The following RAB38 variants were observed in gnomAD, a reference collection of about 807,000 sequenced individuals.
The protein encoded by RAB38 is RAB38, member RAS oncogene family, also known as ras-related protein Rab-38.
In RAB38, 15 loss-of-function variants were observed where a neutral mutation model predicts 18.4. The ratio of observed to expected loss-of-function variants is 0.82; its 90% CI spans 0.55 to 1.26. The LOEUF is 1.26. RAB38 is among the 50% of genes most tolerant of loss of function. RAB38 has a pLI of 0.00. For missense variants in RAB38, 294 were observed against 267.4 expected, an observed-to-expected ratio of 1.10 and a Z score of -0.69; for synonymous variants, 101 against 104.4, an observed-to-expected ratio of 0.97 and a Z score of 0.20.
At chr11:87,930,943 T>C in the RAB38 span, among the ~76,000 whole-genome samples, 13 of 152,158 alleles carry the variant, frequency 8.5e-5, no homozygotes, top group Non-Finnish European at 1.5e-5. Flanking sequence ...TTGGTACCAG[T>C]ACCATGCTGT....
the RAB38 span, among the ~76,000 whole-genome samples, chr11:88,048,290 G>A: frequency 6.6e-6 from 1 of 152,146 alleles, no homozygotes; most frequent in Non-Finnish European, 1.5e-5. Flanking sequence ...CCTTCTGTCT[G>A]ACATAATTCC....
chr11:88,018,129 C>G, the RAB38 span, among the ~76,000 whole-genome samples: 1 of 152,076 alleles, frequency 6.6e-6, no homozygotes, highest in African/African-American at 2.4e-5. Context: ...ATATCTTTAC[C>G]AGCAGCGTAA....
chr11:88,096,962 T>C, the RAB38 span, among the ~76,000 whole-genome samples: 1 of 151,988 alleles, frequency 6.6e-6, no homozygotes, highest in African/African-American at 2.4e-5. Flanking sequence ...AACACATTTC[T>C]TTATCCATTC....
chr11:88,153,706 C>G (rs1184610296), intron 1 of RAB38, among the ~76,000 whole-genome samples: 1 of 152,234 alleles, frequency 6.6e-6, no homozygotes, highest in East Asian at 1.9e-4. Context: ...TTGGGTTGCA[C>G]TTCTCAGAGA....
At chr11:87,863,895 C>T in the RAB38 span, among the ~76,000 whole-genome samples, 2 of 151,636 alleles carry the variant, frequency 1.3e-5, no homozygotes, top group Admixed American at 6.6e-5. Context: ...AGTGCTTTTT[C>T]CTATAAATGA....
the RAB38 span, among the ~76,000 whole-genome samples, chr11:87,940,808 T>C: frequency 6.6e-6 from 1 of 151,958 alleles, no homozygotes; most frequent in Admixed American, 6.6e-5. Flanking sequence ...AATTTTTGTA[T>C]TTTTAGTAGA....
the RAB38 span, among the ~76,000 whole-genome samples, chr11:87,890,338 C>CTGTT: frequency 6.6e-6 from 1 of 151,844 alleles, no homozygotes; most frequent in Non-Finnish European, 1.5e-5. Flanking sequence ...CTTTCAACCT[C>CTGTT]TGTTTCCTTC....
At chr11:87,838,099 CT>C in the RAB38 span, among the ~76,000 whole-genome samples, 1 of 151,236 alleles carries the variant, frequency 6.6e-6, no homozygotes, top group Non-Finnish European at 1.5e-5. Context: ...GGCTTACATT[CT>C]TTTTTTATTT....
chr11:87,945,942 C>T, the RAB38 span, among the ~76,000 whole-genome samples: 4 of 152,256 alleles, frequency 2.6e-5, no homozygotes, highest in Admixed American at 2.0e-4. Context: ...CTAATTTTCA[C>T]AATTACCCTT....
chr11:88,010,476 A>C, the RAB38 span, among the ~76,000 whole-genome samples: 9 of 152,126 alleles, frequency 5.9e-5, no homozygotes, highest in African/African-American at 2.2e-4. Context: ...AAAACATATA[A>C]AATCAATATT....
At chr11:87,885,736 G>A in the RAB38 span, among the ~76,000 whole-genome samples, 1 of 151,976 alleles carries the variant, frequency 6.6e-6, no homozygotes, top group African/African-American at 2.4e-5. Flanking sequence ...TCTTAAAGCA[G>A]TGTTACCTAA....
At chr11:88,118,348 A>G (rs1349093496) in intron 2 of RAB38, among the ~76,000 whole-genome samples, 1 of 152,252 alleles carries the variant, frequency 6.6e-6, no homozygotes, top group Non-Finnish European at 1.5e-5. Flanking sequence ...ATAGCAATAT[A>G]GAACAAACCT....
chr11:87,900,872 A>T, the RAB38 span, among the ~76,000 whole-genome samples: 1 of 151,584 alleles, frequency 6.6e-6, no homozygotes, highest in African/African-American at 2.4e-5. Flanking sequence ...GTGGAAAAAA[A>T]GGCACCTAGT....
the RAB38 span, among the ~76,000 whole-genome samples, chr11:87,840,135 CAT>C: frequency 6.6e-6 from 1 of 151,850 alleles, no homozygotes; most frequent in Non-Finnish European, 1.5e-5. Context: ...AGAAAGGAGA[CAT>C]AGAAAAAGAA....
the RAB38 span, among the ~76,000 whole-genome samples, chr11:88,099,058 G>A: frequency 1.3e-5 from 2 of 151,870 alleles, no homozygotes; most frequent in Admixed American, 1.3e-4. Flanking sequence ...AAATAAAAAT[G>A]TGTTCTTATA....
chr11:88,012,492 T>C, the RAB38 span, among the ~76,000 whole-genome samples: 13 of 152,222 alleles, frequency 8.5e-5, no homozygotes, highest in South Asian at 4.2e-4. Context: ...TATTAAAAAA[T>C]AGTTTTAAGC....
chr11:87,831,014 C>T, the RAB38 span, among the ~76,000 whole-genome samples: 6 of 152,034 alleles, frequency 3.9e-5, no homozygotes, highest in Non-Finnish European at 7.4e-5. Flanking sequence ...GCCATGTTAC[C>T]CAGGCTGGTC....
chr11:87,899,420 A>C, the RAB38 span, among the ~76,000 whole-genome samples: 10 of 151,658 alleles, frequency 6.6e-5, no homozygotes, highest in African/African-American at 2.2e-4. Context: ...TTTCTTTATA[A>C]TGGCTATTTG....
the RAB38 span, among the ~76,000 whole-genome samples, chr11:87,848,576 A>G: frequency 6.6e-6 from 1 of 152,052 alleles, no homozygotes; most frequent in African/African-American, 2.4e-5. Flanking sequence ...TGTATATTCC[A>G]CAACAAAATC....
Sources: gnomAD v4.1 joint callset for allele counts (sites outside exome capture counted in the v4.1 genomes callset) on GRCh38, gnomAD v4.1.1 for gene constraint, MANE v1.5 for transcripts, NCBI Gene and HGNC (gene_info 2026-07-23, HGNC 2026-07-21) for gene names.